The following FASTKD2 variants were observed in gnomAD, a reference collection of about 807,000 sequenced individuals.
FASTKD2 encodes the protein FAST kinase domain-containing protein 2, mitochondrial.
FASTKD2 carries 51 observed loss-of-function variants against 63.6 expected under a neutral mutation model. That is an observed-to-expected ratio of 0.80 (90% CI 0.64 to 1.01). FASTKD2 has a LOEUF of 1.01. Among genes scored for constraint, FASTKD2 ranks in the 50% least tolerant of loss-of-function variants. The pLI, the probability that FASTKD2 is intolerant of heterozygous loss-of-function variation, is 0.00. For missense variants in FASTKD2, 786 were observed against 831.1 expected (o/e 0.95, Z 0.67); for synonymous variants, 284 against 293.4 (o/e 0.97, Z 0.33).
At chr2:206,775,404 AT>A (rs1418755104) in intron 7 of FASTKD2, among the ~76,000 whole-genome samples, 2 of 151,614 alleles carry the variant, frequency 1.3e-5, no homozygotes, top group South Asian at 4.1e-4. Flanking sequence ...GATGTATCAT[AT>A]TGATTGATTT....
At chr2:206,770,757 T>A (rs1689655736) in intron 3 of FASTKD2, among the ~76,000 whole-genome samples, 1 of 150,960 alleles carries the variant, frequency 6.6e-6, no homozygotes, top group East Asian at 1.9e-4. Context: ...ATAGTACTGA[T>A]GCGGGGTAGG....
chr2:206,787,914 A>G, intron 8 of FASTKD2, 23 bp from the exon 9 acceptor site: 2 of 1,338,602 alleles, frequency 1.5e-6, no homozygotes, highest in Non-Finnish European at 2.1e-6. Flanking sequence ...TCTTAATGAT[A>G]TACTCTCTTT....
chr2:206,786,580 G>T (rs947018852), intron 7 of FASTKD2, 153 bp from the exon 8 acceptor site: 3 of 717,682 alleles, frequency 4.2e-6, no homozygotes, highest in Non-Finnish European at 7.5e-6. Flanking sequence ...AACATTTATT[G>T]AATGTATACA....
chr2:206,790,408 A>G (rs1233478008), intron 10 of FASTKD2, 164 bp from the exon 11 acceptor site: 1 of 637,662 alleles, frequency 1.6e-6, no homozygotes, highest in African/African-American at 1.8e-5. Context: ...TGTATAGTGG[A>G]ATATCTGCAG....
At chr2:206,789,042 A>C in intron 10 of FASTKD2, 139 bp downstream of exon 10, 1 of 684,328 alleles carries the variant, frequency 1.5e-6, no homozygotes, top group South Asian at 1.6e-5. Flanking sequence ...CTTGTCATCC[A>C]TCAATGTACT....
intron 7 of FASTKD2, among the ~76,000 whole-genome samples, chr2:206,780,401 A>T (rs183928020): frequency 3.9e-5 from 6 of 152,256 alleles, no homozygotes; most frequent in Admixed American, 2.6e-4. Flanking sequence ...TTCTTTCAGC[A>T]CTTTGAATAC....
chr2:206,788,128 G>A lies in FASTKD2; in HGVS notation c.1786G>A (p.Val596Met). 1.9e-6 allele frequency: 3 copies of A among 1,606,622 alleles called. No individual in the cohort carries two copies. Among genetic ancestry groups the A allele is most frequent in the Non-Finnish European group, 2.6e-6 (3 of 1,175,056 alleles). The change falls in exon 9 of 12, where the codon GTG (valine) becomes ATG (methionine). Residue 596 changes from valine (V) to methionine (M), a missense_variant. Physicochemically the swap from Val to Met is conservative, Grantham distance 21 (BLOSUM62 1). Coordinates refer to ENST00000402774, the MANE Select transcript of FASTKD2 (RefSeq NM_001136193.2). ...AGGTGAAGGACACTTCTCAAAGGATGTGCACTTGCCACACAATTATCATAT... is the reference window on the plus strand; with the variant it reads ...AGGTGAAGGACACTTCTCAAAGGATATGCACTTGCCACACAATTATCATAT... ...LGGEGHFSKD[V>M]HLPHNYHIDF...
intron 7 of FASTKD2, among the ~76,000 whole-genome samples, chr2:206,786,381 A>T (rs1324011827): frequency 6.6e-6 from 1 of 152,190 alleles, no homozygotes; most frequent in Non-Finnish European, 1.5e-5. Flanking sequence ...CTGACACCTT[A>T]TGTTCTAATA....
chr2:206,784,394 A>T (rs1690079090), intron 7 of FASTKD2, among the ~76,000 whole-genome samples: 1 of 152,170 alleles, frequency 6.6e-6, no homozygotes, highest in African/African-American at 2.4e-5. Context: ...TAGATAGGAG[A>T]GTGGTAGGAA....
At chr2:206,777,099 A>G (rs1489963301) in intron 7 of FASTKD2, among the ~76,000 whole-genome samples, 1 of 152,098 alleles carries the variant, frequency 6.6e-6, no homozygotes, top group African/African-American at 2.4e-5. Context: ...ATAGTTTGTT[A>G]TAAGTGTATA....
At position 206,786,373 on chromosome 2, in the gene FASTKD2, G is replaced by C. The variant is rs371843077; in HGVS notation, c.1428-360G>C. ...TAATTATGAAAAGGTTCTGGAGCCT[G>C]ACACCTTATGTTCTAATACTGCCTT... On this transcript the variant is annotated intron_variant, in intron 7 of 11. Transcript: ENST00000402774. Among the ~76,000 whole-genome samples the C allele has an allele frequency of 6.6e-5, 10 of 152,176 alleles. No individual in the cohort carries two copies. The East Asian group carries it at 1.5e-3, about 23-fold the overall frequency.
intron 6 of FASTKD2, 116 bp downstream of exon 6, chr2:206,772,436 A>G (rs568337911): frequency 1.9e-6 from 2 of 1,075,538 alleles, no homozygotes; most frequent in African/African-American, 1.6e-5. Context: ...AAATATTCCA[A>G]TGCTGAATTG....
In FASTKD2 at chr2:206,793,451, A is replaced by G. The variant is rs1200942089; in HGVS notation, c.*1649A>G. On this transcript the variant is annotated 3_prime_UTR_variant, in exon 12 of 12. Transcript: ENST00000402774. ...TATGCCATTGGTTCCACATCATTTC[A>G]TCCTCACCTGCTCTTCAGCTTGTGT... is the stretch of plus-strand genomic sequence containing the variant. Among the ~76,000 whole-genome samples the G allele has an allele frequency of 6.6e-6, 1 of 152,058 alleles. No homozygotes were observed. Among genetic ancestry groups the G allele is most frequent in the Non-Finnish European group, 1.5e-5 (1 of 68,016 alleles).
chr2:206,786,937 C>T (rs1473490947), intron 8 of FASTKD2, 38 bp downstream of exon 8: 1 of 649,610 alleles, frequency 1.5e-6, no homozygotes, highest in Non-Finnish European at 2.7e-6. Context: ...CAATTGTGAC[C>T]AATTCTGCAC....
Position 206,794,117 on chromosome 2 carries a change from C to T in FASTKD2, c.*2315C>T, listed in dbSNP as rs553946546. On this transcript the variant is annotated 3_prime_UTR_variant, in exon 12 of 12. Coordinates refer to ENST00000402774, the MANE Select transcript of FASTKD2 (RefSeq NM_001136193.2). ...AAGTGTACCGTTAGGTCAGTTTTGA[C>T]GTACATACACACACACACACATCTG... Among the ~76,000 whole-genome samples, 4 of 147,882 alleles carry T rather than the reference C, an allele frequency of 2.7e-5. No individual in the cohort carries two copies. The highest frequency in any genetic ancestry group is 2.1e-4 in the South Asian group (1 of 4,774).
At chr2:206,774,723 G>A (rs1366469852) in intron 7 of FASTKD2, among the ~76,000 whole-genome samples, 1 of 151,922 alleles carries the variant, frequency 6.6e-6, no homozygotes, top group East Asian at 1.9e-4. Context: ...GGAGAAATCT[G>A]TCTTTTAAAA....
Position 206,793,921 on chromosome 2 carries a change from T to TAA in FASTKD2, c.*2120_*2121dup, listed in dbSNP as rs920991661. ...TTCAAATTAGCAGTTTTTTTTCTTTTAAGAATTACAGTGCTGATGAAGGTA... is the reference window on the plus strand; with the variant it reads ...TTCAAATTAGCAGTTTTTTTTCTTTTAAAAGAATTACAGTGCTGATGAAGGTA... On this transcript the variant is annotated 3_prime_UTR_variant, in exon 12 of 12. Coordinates refer to ENST00000402774, the MANE Select transcript of FASTKD2 (RefSeq NM_001136193.2). 6.6e-6 allele frequency among the ~76,000 whole-genome samples: 1 copy of TAA among 152,216 alleles called. No individual in the cohort carries two copies. The highest frequency in any genetic ancestry group is 6.5e-5 in the Admixed American group (1 of 15,280).
intron 4 of FASTKD2, among the ~76,000 whole-genome samples, 161 bp downstream of exon 4, chr2:206,771,451 G>GTA (rs961023543): frequency 5.9e-5 from 9 of 151,852 alleles, no homozygotes; most frequent in African/African-American, 2.2e-4. Flanking sequence ...TTATTTATCT[G>GTA]TATATATATA....
At chr2:206,773,662 A>G (rs745612789) in intron 6 of FASTKD2, among the ~76,000 whole-genome samples, 85 of 152,176 alleles carry the variant, frequency 5.6e-4, no homozygotes, top group Non-Finnish European at 9.9e-4. Context: ...GAAATTGGTT[A>G]TAGAAAGAGA....
Sources: gnomAD v4.1 joint callset for allele counts (sites outside exome capture counted in the v4.1 genomes callset) on GRCh38, gnomAD v4.1.1 for gene constraint, MANE v1.5 for transcripts, NCBI Gene and HGNC (gene_info 2026-07-23, HGNC 2026-07-21) for gene names.